GSE1: variants seen among roughly 807,000 people sequenced by gnomAD.
The protein encoded by GSE1 is Gse1 coiled-coil protein.
In GSE1, 32 loss-of-function variants were observed where a neutral mutation model predicts 112.6. The ratio of observed to expected loss-of-function variants is 0.28; its 90% CI spans 0.21 to 0.38. The LOEUF (loss-of-function observed/expected upper bound fraction) is 0.38. GSE1 is among the 10% of genes least tolerant of loss of function. GSE1 has a pLI of 1.00. For synonymous variants in GSE1, 1,115 were observed against 735.6 expected, an observed-to-expected ratio of 1.52 and a Z score of -8.35; for missense variants, 2,348 against 1,699.2, an observed-to-expected ratio of 1.38 and a Z score of -6.71.
At chr16:85,555,253 G>A (rs1324658744), upstream of GSE1, 4 of 985,272 alleles carry the variant, frequency 4.1e-6, no homozygotes, top group Non-Finnish European at 4.8e-6. Flanking sequence ...GCTCTCCACC[G>A]CCGTGCGCTC....
intron 1 of GSE1, among the ~76,000 whole-genome samples, chr16:85,326,892 G>A (rs953454044): frequency 1.3e-5 from 2 of 152,204 alleles, no homozygotes; most frequent in East Asian, 1.9e-4. Context: ...TCTATTACCC[G>A]GTGACAAATC....
intron 1 of GSE1, among the ~76,000 whole-genome samples, chr16:85,201,603 G>C (rs1171041208): frequency 1.3e-5 from 2 of 151,482 alleles, no homozygotes; most frequent in Admixed American, 6.6e-5. Context: ...AGTGAGCTGA[G>C]ATCAGGCCAC....
chr16:85,386,607 G>T (rs1368313049), intron 2 of GSE1, among the ~76,000 whole-genome samples: 2 of 152,192 alleles, frequency 1.3e-5, no homozygotes, highest in Non-Finnish European at 2.9e-5. Flanking sequence ...CGGCTGTGTG[G>T]CCTGGAGGAG....
At chr16:85,241,922 G>C (rs1447168111) in intron 1 of GSE1, among the ~76,000 whole-genome samples, 1 of 152,066 alleles carries the variant, frequency 6.6e-6, no homozygotes, top group African/African-American at 2.4e-5. Context: ...CATGGTGGCT[G>C]CCGGGAGGGG....
chr16:85,647,128 G>A (rs574125241), intron 2 of GSE1, among the ~76,000 whole-genome samples: 20 of 152,298 alleles, frequency 1.3e-4, no homozygotes, highest in African/African-American at 2.2e-4. Flanking sequence ...CGTCCTCCCC[G>A]GTCCAAACCC....
intron 3 of GSE1, among the ~76,000 whole-genome samples, chr16:85,651,089 T>A (rs1268739106): frequency 2.2e-5 from 1 of 45,376 alleles, no homozygotes; most frequent in Non-Finnish European, 4.3e-5. Flanking sequence ...CCCCTCCCCC[T>A]CCGCCTTCTT....
intron 2 of GSE1, among the ~76,000 whole-genome samples, chr16:85,376,906 A>G (rs964303860): frequency 6.6e-6 from 1 of 152,216 alleles, no homozygotes; most frequent in East Asian, 1.9e-4. Flanking sequence ...CGCACACCGC[A>G]CACCCGGCCC....
At chr16:85,364,016 C>G (rs116516533) in intron 2 of GSE1, among the ~76,000 whole-genome samples, 172 of 152,350 alleles carry the variant, frequency 1.1e-3, no homozygotes, top group African/African-American at 3.8e-3. Context: ...TAAAACAACA[C>G]TCATTACTCT....
chr16:85,655,653 G>A, intron 5 of GSE1, 73 bp from the exon 6 acceptor site: 1 of 990,890 alleles, frequency 1.0e-6, no homozygotes, highest in Non-Finnish European at 1.5e-6. Context: ...ACCTGGCTGA[G>A]ACACACCTGT....
chr16:85,361,325 A>C (rs2047075471), intron 2 of GSE1, among the ~76,000 whole-genome samples: 1 of 85,718 alleles, frequency 1.2e-5, no homozygotes, highest in Non-Finnish European at 2.1e-5. Flanking sequence ...CCCCCCACAC[A>C]CAAACACACA....
At chr16:85,541,786 C>T (rs954506552) in intron 2 of GSE1, among the ~76,000 whole-genome samples, 2 of 152,206 alleles carry the variant, frequency 1.3e-5, no homozygotes, top group Non-Finnish European at 2.9e-5. Flanking sequence ...CATGCGTGTA[C>T]TCTGTCAGGG....
chr16:85,496,547 G>T (rs547338778), intron 2 of GSE1, among the ~76,000 whole-genome samples: 1 of 152,234 alleles, frequency 6.6e-6, no homozygotes, highest in East Asian at 1.9e-4. Flanking sequence ...CCAGCTGTGG[G>T]CAGGGGGGCC....
intron 2 of GSE1, among the ~76,000 whole-genome samples, chr16:85,404,023 G>A (rs529736053): frequency 0.2 from 4,214 of 21,474 alleles, 227 homozygotes; most frequent in East Asian, 0.39. Context: ...CGTCCTTACG[G>A]GGCCTTTCCT....
intron 2 of GSE1, among the ~76,000 whole-genome samples, chr16:85,501,797 G>A (rs1264980409): frequency 6.6e-6 from 1 of 152,246 alleles, no homozygotes; most frequent in Admixed American, 6.5e-5. Context: ...CTGCCCCTTG[G>A]CTGTGTGGCT....
At chr16:85,551,581 G>A (rs1018753670), upstream of GSE1, among the ~76,000 whole-genome samples, 12 of 152,216 alleles carry the variant, frequency 7.9e-5, no homozygotes, top group Non-Finnish European at 1.6e-4. Context: ...GCACGGTGGG[G>A]TTGCTTTCTG....
chr16:85,278,344 G>T (rs1414681673), intron 1 of GSE1, among the ~76,000 whole-genome samples: 1 of 152,194 alleles, frequency 6.6e-6, no homozygotes, highest in Non-Finnish European at 1.5e-5. Context: ...GAAGCAGGGT[G>T]CTCTGAGCAC....
intron 2 of GSE1, among the ~76,000 whole-genome samples, chr16:85,496,699 C>T (rs1044934412): frequency 2.0e-5 from 3 of 152,284 alleles, no homozygotes; most frequent in Middle Eastern, 3.4e-3. Context: ...GATTCGAGGC[C>T]GGGTTCCTTG....
intron 2 of GSE1, among the ~76,000 whole-genome samples, chr16:85,478,524 CAA>C (rs112620422): frequency 0.041 from 4,678 of 113,378 alleles, 229 homozygotes; most frequent in African/African-American, 0.13. Context: ...GAAACTGTCT[CAA>C]AAAAAAAAAA....
chr16:85,487,704 C>T (rs2050886059), intron 2 of GSE1, among the ~76,000 whole-genome samples: 1 of 143,272 alleles, frequency 7.0e-6, no homozygotes, highest in Admixed American at 6.9e-5. Flanking sequence ...GAGCTGGGGG[C>T]TTGGGGCCAG....
Sources: allele counts gnomAD v4.1 joint callset (sites outside exome capture counted in the v4.1 genomes callset), GRCh38; gene constraint gnomAD v4.1.1; transcripts MANE v1.5; gene names NCBI Gene and HGNC (gene_info 2026-07-23, HGNC 2026-07-21).